The following ZER1 variants were observed in gnomAD, a reference collection of about 807,000 sequenced individuals.
The protein encoded by ZER1 is protein zer-1 homolog.
Under a neutral mutation model 78.8 loss-of-function variants are expected in ZER1, and 11 were observed. That is an observed-to-expected ratio of 0.14 (90% CI 0.09 to 0.23). The LOEUF (loss-of-function observed/expected upper bound fraction) is 0.23. ZER1 is among the 10% of genes least tolerant of loss of function. ZER1 has a pLI of 1.00. For missense variants in ZER1, 588 were observed against 996.9 expected, an observed-to-expected ratio of 0.59 and a Z score of 5.52; for synonymous variants, 400 against 407.0, an observed-to-expected ratio of 0.98 and a Z score of 0.21.
chr9:128,736,854 T>A (rs572880510), intron 13 of ZER1, among the ~76,000 whole-genome samples: 15 of 151,562 alleles, frequency 9.9e-5, no homozygotes, highest in Middle Eastern at 3.4e-3. Context: ...TAAAAAAAAA[T>A]TTTTTTTGGC....
Position 128,753,034 on chromosome 9 carries a change from C to G in ZER1, c.746+130G>C. ...GAAACACTGGGTTTAAGGAATGGGA[C>G]TGTGTCTTCATCCCCACCCTCTGCC... On this transcript the variant is annotated intron_variant, in intron 4 of 15. Transcript: ENST00000291900. The surrounding 1 kb of genome is among the most constrained non-coding windows in gnomAD (Gnocchi z 7.5). 8.3e-7 allele frequency: 1 copy of G among 1,203,816 alleles called. No homozygotes were observed. The highest frequency in any genetic ancestry group is 2.8e-5 in the Admixed American group (1 of 35,596). 74.6% of individuals were successfully genotyped at this position (1,203,816 alleles called of 1,614,324 possible).
intron 11 of ZER1, 119 bp downstream of exon 11, chr9:128,741,416 C>T (rs1216000743): frequency 6.8e-7 from 1 of 1,470,010 alleles, no homozygotes. Context: ...GTCCCCACTG[C>T]CCTTCTCCAG....
Position 128,753,902 on chromosome 9 carries a change from G to A in ZER1, c.216C>T (p.Ser72=). Residue 72 remains serine, a synonymous_variant, in exon 3 of 16, where the codon AGC becomes AGT. Coordinates refer to ENST00000291900, the MANE Select transcript of ZER1 (RefSeq NM_006336.4). The surrounding 1 kb of genome is among the most constrained non-coding windows in gnomAD (Gnocchi z 7.5). The part of the protein sequence containing the change: ...CNFEPHESFF[S]LFSDPRSTRL... ...GGGTGCTGCGGGGGTCCGAAAAGAG[G>A]CTGAAGAAGCTCTCGTGTGGCTCGA... The A allele has an allele frequency of 6.3e-7, 1 of 1,598,410 alleles. No individual in the cohort carries two copies. The highest frequency in any genetic ancestry group is 8.5e-7 in the Non-Finnish European group (1 of 1,172,938).
intron 8 of ZER1, among the ~76,000 whole-genome samples, chr9:128,750,015 C>T (rs1564400755): frequency 6.6e-6 from 1 of 152,156 alleles, no homozygotes; most frequent in Non-Finnish European, 1.5e-5. Context: ...TGCACTCCAG[C>T]CTGGGCAATA....
chr9:128,772,170 A>C (rs1394999402), upstream of ZER1, among the ~76,000 whole-genome samples: 1 of 152,246 alleles, frequency 6.6e-6, no homozygotes, highest in Admixed American at 6.5e-5. Flanking sequence ...GGACCCTAGG[A>C]TCGGTGCCCG....
At chr9:128,739,085 C>T (rs966890353) in intron 13 of ZER1, among the ~76,000 whole-genome samples, 6 of 151,038 alleles carry the variant, frequency 4.0e-5, no homozygotes, top group East Asian at 2.0e-4. Context: ...CTCCTGACCT[C>T]GTGATCTGCC....
intron 1 of ZER1, among the ~76,000 whole-genome samples, chr9:128,769,989 C>T (rs1042645387): frequency 6.6e-6 from 1 of 152,134 alleles, no homozygotes; most frequent in African/African-American, 2.4e-5. Context: ...TCCCATTAGA[C>T]ACCCTGTGAC....
At chr9:128,744,524 G>C (rs1016653506) in intron 8 of ZER1, among the ~76,000 whole-genome samples, 1 of 148,302 alleles carries the variant, frequency 6.7e-6, no homozygotes, top group Non-Finnish European at 1.5e-5. Context: ...TGTTGCCAAG[G>C]CTGGAATGCA....
At chr9:128,744,624 T>A (rs772193049) in intron 8 of ZER1, among the ~76,000 whole-genome samples, 1 of 151,650 alleles carries the variant, frequency 6.6e-6, no homozygotes, top group African/African-American at 2.4e-5. Context: ...GATTACAGGC[T>A]CCAGCCACCA....
At position 128,742,844 on chromosome 9, in the gene ZER1, G is replaced by T. The variant is rs188207744; in HGVS notation, c.1360-99C>A. On this transcript the variant is annotated intron_variant, in intron 8 of 15. Coordinates refer to ENST00000291900, the MANE Select transcript of ZER1 (RefSeq NM_006336.4). Reference sequence around the variant, plus strand: ...AGGTATGAGCTCATCCAGAGTTGTGGCAGTCCAGCCCGGTTTTCTGGAAGA... The same window carrying T: ...AGGTATGAGCTCATCCAGAGTTGTGTCAGTCCAGCCCGGTTTTCTGGAAGA... The T allele has an allele frequency of 7.8e-6, 10 of 1,286,364 alleles. No homozygotes were observed. In the Admixed American group the frequency reaches 2.4e-4, roughly 30 times the overall value. The allele number at this position is 1,286,364 out of a possible 1,614,324, so 79.7% of individuals were successfully genotyped here.
intron 8 of ZER1, among the ~76,000 whole-genome samples, chr9:128,745,460 C>T (rs1054314090): frequency 7.9e-5 from 12 of 151,784 alleles, no homozygotes; most frequent in Admixed American, 2.6e-4. Flanking sequence ...CCAGTGCAAG[C>T]GATTCTCCCG....
intron 1 of ZER1, among the ~76,000 whole-genome samples, chr9:128,762,522 T>C (rs1203562423): frequency 2.0e-5 from 3 of 152,230 alleles, no homozygotes; most frequent in Admixed American, 1.3e-4. Context: ...TCACTTTTCC[T>C]CTAAAATAGA....
chr9:128,741,109 T>TAG (rs1179094695), intron 11 of ZER1, among the ~76,000 whole-genome samples: 4 of 152,164 alleles, frequency 2.6e-5, no homozygotes, highest in African/African-American at 9.7e-5. Context: ...AAAGGTTGAT[T>TAG]AGAGATCTGA....
At chr9:128,770,666 C>T (rs1864355823) in intron 1 of ZER1, among the ~76,000 whole-genome samples, 1 of 152,154 alleles carries the variant, frequency 6.6e-6, no homozygotes, top group Non-Finnish European at 1.5e-5. Flanking sequence ...TTATTATTTG[C>T]TGAATGAACA....
chr9:128,759,337 A>AT (rs35419870), intron 1 of ZER1, among the ~76,000 whole-genome samples: 2,983 of 133,052 alleles, frequency 0.022, 33 homozygotes, highest in African/African-American at 0.03. Flanking sequence ...CACCCAGCTA[A>AT]TTTTTTTTTT....
At chr9:128,734,593 C>T (rs1862996126) in intron 14 of ZER1, among the ~76,000 whole-genome samples, 1 of 151,938 alleles carries the variant, frequency 6.6e-6, no homozygotes, top group Non-Finnish European at 1.5e-5. Flanking sequence ...CTCAGCCTCC[C>T]TAAGTGCTGG....
chr9:128,736,637 T>C (rs1313820312), intron 13 of ZER1, among the ~76,000 whole-genome samples: 1 of 150,916 alleles, frequency 6.6e-6, no homozygotes, highest in Non-Finnish European at 1.5e-5. Context: ...CCTCCCAAAG[T>C]GCTAGGATTA....
Position 128,759,456 on chromosome 9 carries a change from T to G in ZER1, c.-94-3797A>C, listed in dbSNP as rs533597765. On this transcript the variant is annotated intron_variant, in intron 1 of 15. Coordinates refer to ENST00000291900, the MANE Select transcript of ZER1 (RefSeq NM_006336.4). ...CCTCCCAAAGTGCTGGGATTACAGATGTGAGCCACCGTGCCTGGCCCGAAT... is the reference window on the plus strand; with the variant it reads ...CCTCCCAAAGTGCTGGGATTACAGAGGTGAGCCACCGTGCCTGGCCCGAAT... Among the ~76,000 whole-genome samples the G allele has an allele frequency of 1.9e-4, 29 of 151,168 alleles. No homozygotes were observed. The East Asian group carries it at 4.6e-3, about 24-fold the overall frequency.
chr9:128,758,035 T>C (rs1863916785), intron 1 of ZER1, among the ~76,000 whole-genome samples: 1 of 151,892 alleles, frequency 6.6e-6, no homozygotes, highest in Non-Finnish European at 1.5e-5. Flanking sequence ...ATCTACTAAA[T>C]ACTGCATGGC....
Sources: gnomAD v4.1 joint callset for allele counts (sites outside exome capture counted in the v4.1 genomes callset) on GRCh38, gnomAD v4.1.1 for gene constraint, Gnocchi (gnomAD v3.1) non-coding constraint, MANE v1.5 for transcripts, NCBI Gene and HGNC (gene_info 2026-07-23, HGNC 2026-07-21) for gene names.